The following ATP13A3 variants were observed in gnomAD, a reference collection of about 807,000 sequenced individuals.
ATP13A3 encodes polyamine-transporting ATPase 13A3.
ATP13A3 carries 59 observed loss-of-function variants against 158.1 expected under a neutral mutation model. The observed-to-expected ratio is 0.37, with a 90% CI of 0.30 to 0.46. The LOEUF is 0.46. Ranked by LOEUF, ATP13A3 falls within the 20% of genes least tolerant of loss-of-function variation. ATP13A3 has a pLI of 1.00. For missense variants in ATP13A3, 1,166 were observed against 1,525.2 expected (o/e 0.76, Z 3.92); for synonymous variants, 491 against 504.3 (o/e 0.97, Z 0.35).
At chr3:194,428,694 T>C in intron 28 of ATP13A3, 151 bp downstream of exon 28, 2 of 526,904 alleles carry the variant, frequency 3.8e-6, no homozygotes, top group Non-Finnish European at 3.3e-6. Context: ...TGGCGCAAGA[T>C]ATAAACAACT....
Position 194,486,764 on chromosome 3 carries a change from G to GGCCCT in ATP13A3, c.-292_-288dup, listed in dbSNP as rs1170339348. On this transcript the variant is annotated 5_prime_UTR_variant, in exon 1 of 34. Transcript: ENST00000645319. ...GGAGGCGCCGCGGCGGGGCCGGGCC[G>GGCCCT]GCCCTGGGACGTCCGCGCTCTCCTC... 1 of 150,946 alleles carries GGCCCT rather than the reference G, an allele frequency of 6.6e-6. No homozygotes were observed. Among genetic ancestry groups the GGCCCT allele is most frequent in the African/African-American group, 2.4e-5 (1 of 41,272 alleles). 9.4% of individuals were successfully genotyped at this position (150,946 alleles called of 1,614,324 possible).
At chr3:194,424,185 G>T (rs751948776) in intron 30 of ATP13A3, among the ~76,000 whole-genome samples, 12 of 151,312 alleles carry the variant, frequency 7.9e-5, no homozygotes, top group Admixed American at 7.9e-4. Flanking sequence ...TATTAGTATG[G>T]TTATACAGCA....
chr3:194,407,561 C>T (rs1190345216), intron 33 of ATP13A3, among the ~76,000 whole-genome samples: 1 of 152,210 alleles, frequency 6.6e-6, no homozygotes, highest in Non-Finnish European at 1.5e-5. Context: ...GCTGAGAGCA[C>T]GGTAAACGTG....
Position 194,405,437 on chromosome 3 carries a change from A to T in ATP13A3, c.*482T>A, listed in dbSNP as rs142965231. 3.8e-5 allele frequency: 6 copies of T among 156,336 alleles called. No homozygotes were observed. Among genetic ancestry groups the T allele is most frequent in the African/African-American group, 1.4e-4 (6 of 41,604 alleles). 9.7% of individuals were successfully genotyped at this position (156,336 alleles called of 1,614,324 possible). The stretch of plus-strand genomic sequence containing the variant: ...GAAGAAACATTGGAATCAAATGAAA[A>T]CAGGCTTTCAGTATATTTTCACTGG... On this transcript the variant is annotated 3_prime_UTR_variant, in exon 34 of 34. Coordinates refer to ENST00000645319, the MANE Select transcript of ATP13A3 (RefSeq NM_001367549.1).
intron 2 of ATP13A3, among the ~76,000 whole-genome samples, chr3:194,485,084 C>T (rs1303470988): frequency 1.3e-5 from 2 of 151,662 alleles, no homozygotes; most frequent in African/African-American, 4.9e-5. Flanking sequence ...TTTAAAGCAA[C>T]CAAATAGTGT....
chr3:194,481,169 G>A (rs1273539499), intron 2 of ATP13A3, among the ~76,000 whole-genome samples: 1 of 150,926 alleles, frequency 6.6e-6, no homozygotes, highest in Non-Finnish European at 1.5e-5. Context: ...CAAAACACTT[G>A]TCTTTTATAT....
intron 5 of ATP13A3, 105 bp from the exon 6 acceptor site, chr3:194,459,646 T>C: frequency 9.2e-7 from 1 of 1,085,500 alleles, no homozygotes; most frequent in Non-Finnish European, 1.3e-6. Flanking sequence ...TATAGCATTA[T>C]ATATAGTAAT....
chr3:194,421,513 A>T (rs1419726696), intron 30 of ATP13A3, among the ~76,000 whole-genome samples: 1 of 143,266 alleles, frequency 7.0e-6, no homozygotes, highest in African/African-American at 2.7e-5. Context: ...AGATCACGCC[A>T]CTCCACTCTA....
In ATP13A3 at chr3:194,486,814, G is replaced by T. The variant is rs1177487157; in HGVS notation, c.-337C>A. The stretch of plus-strand genomic sequence containing the variant: ...CCTCCTCCGCGCCCGCGGCGGCGGC[G>T]TGCAGCCGGCAGGGCGAGAACAAGG... On this transcript the variant is annotated 5_prime_UTR_variant, in exon 1 of 34. Transcript: ENST00000645319. 3 of 151,668 alleles carry T rather than the reference G, an allele frequency of 2.0e-5. No individual in the cohort carries two copies. The highest frequency in any genetic ancestry group is 2.9e-5 in the Non-Finnish European group (2 of 67,958). 9.4% of individuals were successfully genotyped at this position (151,668 alleles called of 1,614,324 possible).
chr3:194,433,750 G>T (rs1212334583), intron 21 of ATP13A3, 22 bp downstream of exon 21: 1 of 1,612,820 alleles, frequency 6.2e-7, no homozygotes, highest in Non-Finnish European at 8.5e-7. Flanking sequence ...ATTTGCTTCT[G>T]TGTTCTTTTA....
intron 32 of ATP13A3, 61 bp downstream of exon 32, chr3:194,413,698 C>T: frequency 1.4e-6 from 2 of 1,417,626 alleles, no homozygotes; most frequent in South Asian, 1.1e-5. Flanking sequence ...TCCCATTTAC[C>T]ATTAAATCAC....
Position 194,455,914 on chromosome 3 carries a change from A to G in ATP13A3, c.609T>C (p.Val203=). 1 of 1,553,520 alleles carries G rather than the reference A, an allele frequency of 6.4e-7. No individual in the cohort carries two copies. The highest frequency in any genetic ancestry group is 2.3e-5 in the East Asian group (1 of 42,942). ...VNEIAVKVPS[V]FKLLIKEVLN... is the part of the protein sequence containing the mutation. Reference sequence around the variant, plus strand: ...TTACCTCTTTAATTAGAAGCTTAAAAACAGAAGGCACTTTTACAGCAATTT... The same window carrying G: ...TTACCTCTTTAATTAGAAGCTTAAAGACAGAAGGCACTTTTACAGCAATTT... Residue 203 remains valine, a synonymous_variant, in exon 8 of 34, where the codon GTT becomes GTC. Coordinates refer to ENST00000645319, the MANE Select transcript of ATP13A3 (RefSeq NM_001367549.1).
intron 31 of ATP13A3, among the ~76,000 whole-genome samples, chr3:194,415,109 A>G (rs982391762): frequency 2.0e-5 from 3 of 152,196 alleles, no homozygotes; most frequent in African/African-American, 7.2e-5. Flanking sequence ...AGAGCTAAGA[A>G]AAGGCCAAAA....
At chr3:194,445,890 C>T (rs1025672222) in intron 14 of ATP13A3, among the ~76,000 whole-genome samples, 2 of 152,138 alleles carry the variant, frequency 1.3e-5, no homozygotes, top group Non-Finnish European at 2.9e-5. Flanking sequence ...CACACAGGTA[C>T]ATAATTTGTC....
At chr3:194,418,295 A>C (rs1472002608) in intron 31 of ATP13A3, among the ~76,000 whole-genome samples, 2 of 152,234 alleles carry the variant, frequency 1.3e-5, no homozygotes, top group South Asian at 4.1e-4. Flanking sequence ...CAAATAAAGA[A>C]AGAAATTAAT....
chr3:194,463,784 A>C (rs1719821143), intron 2 of ATP13A3, among the ~76,000 whole-genome samples: 1 of 152,248 alleles, frequency 6.6e-6, no homozygotes, highest in African/African-American at 2.4e-5. Context: ...GCCAAGTAAA[A>C]ACCAAATGCA....
In ATP13A3 at chr3:194,473,486, G is replaced by GA. The variant is rs10699324; in HGVS notation, c.-46-11251dup. Among the ~76,000 whole-genome samples the GA allele has an allele frequency of 4.9e-3, 698 of 143,326 alleles. 1 individual carries two copies. The highest frequency in any genetic ancestry group is 7.4e-3 in the Non-Finnish European group (479 of 65,056). 94.0% of individuals were successfully genotyped at this position (143,326 alleles called of 152,430 possible). On this transcript the variant is annotated intron_variant, in intron 2 of 33. Transcript: ENST00000645319. ...GACATTATTTGCCCATTAAATTGGT[G>GA]AAAAAAAAAAAACCTGACAAGGAGC...
Position 194,404,301 on chromosome 3 carries a change from T to C in ATP13A3, c.*1618A>G. ...TTTTTGCAGGAATCATCAGTGGCAA[T>C]AGCAGTAACAGTGATCCTGAGTGTA... On this transcript the variant is annotated 3_prime_UTR_variant, in exon 34 of 34. Transcript: ENST00000645319. 9.2e-6 allele frequency: 3 copies of C among 325,822 alleles called. No homozygotes were observed. Among genetic ancestry groups the C allele is most frequent in the South Asian group, 7.1e-5 (3 of 42,332 alleles). The allele number at this position is 325,822 out of a possible 1,614,324, so 20.2% of individuals were successfully genotyped here.
At position 194,437,134 on chromosome 3, in the gene ATP13A3, T is replaced by C. The variant is rs1013783455; in HGVS notation, c.2081A>G (p.Glu694Gly). 3 of 1,614,066 alleles carry C rather than the reference T, an allele frequency of 1.9e-6. No individual in the cohort carries two copies. Among genetic ancestry groups the C allele is most frequent in the African/African-American group, 2.7e-5 (2 of 74,928 alleles). ...RVIALAHRKLESKLTWHKVQN... is the reference protein window; with the variant it reads ...RVIALAHRKLGSKLTWHKVQN... ...TACTTTATGCCATGTCAGTTTTGAC[T>C]CCAATTTTCTGTGTGCAAGAGCAAT... Residue 694 changes from glutamate to glycine, a missense_variant, in exon 20 of 34, where the codon GAG (glutamate) becomes GGG (glycine). By Grantham distance (98) the Glu-to-Gly change is moderately conservative. Transcript: ENST00000645319.
Sources: allele counts gnomAD v4.1 joint callset (sites outside exome capture counted in the v4.1 genomes callset), GRCh38; gene constraint gnomAD v4.1.1; transcripts MANE v1.5; gene names NCBI Gene and HGNC (gene_info 2026-07-23, HGNC 2026-07-21).